Variants in TULP4 observed in about 807,000 individuals in gnomAD.
TULP4 encodes tubby-related protein 4.
Under a neutral mutation model 129.0 loss-of-function variants are expected in TULP4, and 16 were observed. The ratio of observed to expected loss-of-function variants is 0.12; its 90% CI spans 0.08 to 0.19. The LOEUF (loss-of-function observed/expected upper bound fraction) is 0.19. Ranked by LOEUF, TULP4 falls within the 10% of genes least tolerant of loss-of-function variation. The probability of loss-of-function intolerance (pLI) is 1.00; values close to 1 mark genes in which losing one functional copy is unlikely to be tolerated. For missense variants in TULP4, 1,842 were observed against 2,059.1 expected, an observed-to-expected ratio of 0.89 and a Z score of 2.04; for synonymous variants, 998 against 854.0, an observed-to-expected ratio of 1.17 and a Z score of -2.94.
At chr6:158,308,105 A>G (rs1420132618), upstream of TULP4, among the ~76,000 whole-genome samples, 5 of 134,938 alleles carry the variant, frequency 3.7e-5, no homozygotes, top group African/African-American at 1.4e-4. Context: ...CAGATAAACA[A>G]GTGAACAAAG....
At chr6:158,240,329 CT>C (rs1777855565) in intron 1 of TULP4, among the ~76,000 whole-genome samples, 2 of 86,314 alleles carry the variant, frequency 2.3e-5, no homozygotes, top group Non-Finnish European at 2.5e-5. Flanking sequence ...GACGGGGCGG[CT>C]GGCCGGGCGG....
Position 158,313,905 on chromosome 6 carries a change from G to T in TULP4, c.-112G>T. Reference sequence around the variant, plus strand: ...TTCAGGTCAGTCTTAATTAAAGGGGGAAAAAAGCAACGCAAGCCAACCACA... The same window carrying T: ...TTCAGGTCAGTCTTAATTAAAGGGGTAAAAAAGCAACGCAAGCCAACCACA... On this transcript the variant is annotated 5_prime_UTR_variant, in exon 1 of 14. Coordinates refer to ENST00000367097, the MANE Select transcript of TULP4 (RefSeq NM_020245.5). 7.7e-7 allele frequency: 1 copy of T among 1,302,538 alleles called. No homozygotes were observed. The highest frequency in any genetic ancestry group is 1.5e-5 in the South Asian group (1 of 66,494). The allele number at this position is 1,302,538 out of a possible 1,614,324, so 80.7% of individuals were successfully genotyped here.
intron 1 of TULP4, among the ~76,000 whole-genome samples, chr6:158,358,318 T>G (rs1043697997): frequency 6.6e-6 from 1 of 152,238 alleles, no homozygotes; most frequent in African/African-American, 2.4e-5. Context: ...AAATTTTAAG[T>G]GTACTTGGTG....
At position 158,286,381 on chromosome 6, in the gene TULP4, C is replaced by T. The variant is rs144077330; in HGVS notation, n.116+4003C>T. 2.0e-4 allele frequency among the ~76,000 whole-genome samples: 30 copies of T among 152,258 alleles called. No homozygotes were observed. In the East Asian group the frequency reaches 3.3e-3, roughly 17 times the overall value. Reference sequence around the variant, plus strand: ...TTTTGCCATAGCCTTTGTTTTCTCTCGCAATTATTTCTGTGTTTCTTCTGT... The same window carrying T: ...TTTTGCCATAGCCTTTGTTTTCTCTTGCAATTATTTCTGTGTTTCTTCTGT... On this transcript the variant is annotated intron_variant and non_coding_transcript_variant, in intron 1 of 1. Coordinates refer to the TULP4 transcript ENST00000432358.
chr6:158,456,431 A>G (rs915468077), intron 5 of TULP4, among the ~76,000 whole-genome samples: 1 of 152,198 alleles, frequency 6.6e-6, no homozygotes, highest in African/African-American at 2.4e-5. Context: ...AGCTCTTGTT[A>G]GTATTCATGT....
chr6:158,479,777 T>C lies in TULP4; in HGVS notation c.1053T>C (p.Gly351=). The C allele has an allele frequency of 6.2e-7, 1 of 1,613,946 alleles. No individual in the cohort carries two copies. Among genetic ancestry groups the C allele is most frequent in the Non-Finnish European group, 8.5e-7 (1 of 1,179,888 alleles). Residue 351 remains glycine (G), a synonymous_variant, in exon 7 of 14, where the codon GGT becomes GGC. Coordinates refer to ENST00000367097, the MANE Select transcript of TULP4 (RefSeq NM_020245.5). ...VQRPIISICW[G]HRDSRLLMAS... is the part of the protein sequence containing the mutation. ...GCCCCATCATCTCCATCTGCTGGGG[T>C]CACCGGGATTCGAGGCTGTTGATGG...
intron 1 of TULP4, among the ~76,000 whole-genome samples, chr6:158,350,907 C>T (rs1179376449): frequency 6.6e-6 from 1 of 152,060 alleles, no homozygotes; most frequent in African/African-American, 2.4e-5. Flanking sequence ...ATTACTGCCA[C>T]CACTGCTGGC....
At position 158,462,748 on chromosome 6, in the gene TULP4, T is replaced by C. The variant is rs796152083; in HGVS notation, c.1026+1019T>C. On this transcript the variant is annotated intron_variant, in intron 6 of 13. Coordinates refer to ENST00000367097, the MANE Select transcript of TULP4 (RefSeq NM_020245.5). ...GTTTACCCTATGTCTTTTTTTTTCC[T>C]TTTTTTTTTTTTTTTTTTGAATTGG... Among the ~76,000 whole-genome samples, 11 of 45,258 alleles carry C rather than the reference T, an allele frequency of 2.4e-4. No homozygotes were observed. In the African/African-American group the frequency reaches 2.6e-3, roughly 11 times the overall value. The allele number at this position is 45,258 out of a possible 152,430, so 29.7% of individuals were successfully genotyped here. A position where few individuals can be genotyped will look rare whatever the true frequency, so the allele number is the denominator to read the frequency against.
rs764447638 is a variant in TULP4, at chr6:158,312,985, A to G, written c.-1032A>G. On this transcript the variant is annotated 5_prime_UTR_variant, in exon 1 of 14. Transcript: ENST00000367097. The stretch of plus-strand genomic sequence containing the variant: ...ATTACCTGATGGACTTAATTCTAAG[A>G]TTAGCTTTTTTCATCAAGATGGAAA... 1 of 152,526 alleles carries G rather than the reference A, an allele frequency of 6.6e-6. No homozygotes were observed. The highest frequency in any genetic ancestry group is 1.5e-5 in the Non-Finnish European group (1 of 68,250). The allele number at this position is 152,526 out of a possible 1,614,324, so 9.4% of individuals were successfully genotyped here. A position where few individuals can be genotyped will look rare whatever the true frequency, so the allele number is the denominator to read the frequency against.
chr6:158,366,870 C>T (rs987372650), intron 1 of TULP4, among the ~76,000 whole-genome samples: 1 of 152,126 alleles, frequency 6.6e-6, no homozygotes, highest in Non-Finnish European at 1.5e-5. Context: ...TCTAAGTTGC[C>T]GTATACACAG....
chr6:158,496,243 T>C (rs1346446543), intron 11 of TULP4, among the ~76,000 whole-genome samples: 1 of 152,244 alleles, frequency 6.6e-6, no homozygotes, highest in Admixed American at 6.5e-5. Context: ...TGGCCCTCCA[T>C]TTTGAGCGTG....
intron 1 of TULP4, among the ~76,000 whole-genome samples, chr6:158,233,402 T>C (rs1395320362): frequency 2.0e-5 from 3 of 152,266 alleles, no homozygotes; most frequent in Non-Finnish European, 4.4e-5. Flanking sequence ...TTCTAAGGTT[T>C]TGAAGGACGT....
chr6:158,288,486 A>G (rs1214845168), intron 1 of TULP4, among the ~76,000 whole-genome samples: 3 of 147,350 alleles, frequency 2.0e-5, no homozygotes, highest in Non-Finnish European at 4.5e-5. Flanking sequence ...TTTGGAATCT[A>G]AAAAAAAAAT....
In TULP4 at chr6:158,504,032, C is replaced by T. The variant is rs751290022; in HGVS notation, c.4369C>T (p.Arg1457Trp). Residue 1457 changes from arginine to tryptophan, a missense_variant, in exon 13 of 14, where the codon CGG becomes TGG. Arg to Trp is a moderately radical substitution (Grantham distance 101). Around this residue, in one of 5 missense-constraint regions of TULP4, gnomAD observed 1,089 missense variants for 987.1 expected, o/e 1.10. Coordinates refer to ENST00000367097, the MANE Select transcript of TULP4 (RefSeq NM_020245.5). ...CRRASEKEDG[R>W]LGSQGFVYVM... The stretch of plus-strand genomic sequence containing the variant: ...GCGGGCCAGTGAGAAGGAGGACGGG[C>T]GGCTGGGCAGCCAAGGCTTCGTGTA... 6.8e-6 allele frequency: 11 copies of T among 1,610,542 alleles called. No individual in the cohort carries two copies. The highest frequency in any genetic ancestry group is 1.3e-5 in the African/African-American group (1 of 74,982).
chr6:158,237,923 G>T lies in TULP4; in HGVS notation n.68+5620G>T, dbSNP rs532523551. The T allele has an allele frequency of 4.5e-5, 33 of 728,094 alleles. No homozygotes were observed. In the East Asian group the frequency reaches 6.9e-4, roughly 15 times the overall value. 45.1% of individuals were successfully genotyped at this position (728,094 alleles called of 1,614,324 possible). A position where few individuals can be genotyped will look rare whatever the true frequency, so the allele number is the denominator to read the frequency against. On this transcript the variant is annotated intron_variant and non_coding_transcript_variant, in intron 1 of 1. Coordinates refer to the TULP4 transcript ENST00000620026. ...ATATCTTTTGGATTTTGTTTCCATA[G>T]CTGTTCTAGGTCACTAATTGCCTCC...
intron 1 of TULP4, among the ~76,000 whole-genome samples, chr6:158,236,730 TC>T (rs1487629623): frequency 6.9e-6 from 1 of 144,026 alleles, no homozygotes; most frequent in Non-Finnish European, 1.5e-5. Flanking sequence ...TGAAAAAAGA[TC>T]AAATCAGCAC....
chr6:158,282,823 T>G (rs1414273295), intron 1 of TULP4: 3 of 152,068 alleles, frequency 2.0e-5, no homozygotes, highest in African/African-American at 2.4e-5. Flanking sequence ...TTTTAATTAT[T>G]TCATATACAG....
chr6:158,458,030 C>T (rs532826240), intron 5 of TULP4, among the ~76,000 whole-genome samples: 3 of 152,266 alleles, frequency 2.0e-5, no homozygotes, highest in East Asian at 3.9e-4. Flanking sequence ...TATGCACATA[C>T]ACAACATGCA....
chr6:158,241,337 C>A (rs1224784195), intron 1 of TULP4, among the ~76,000 whole-genome samples: 1 of 129,448 alleles, frequency 7.7e-6, no homozygotes, highest in Non-Finnish European at 1.8e-5. Flanking sequence ...ACTTCCCAGA[C>A]GGGGTGGCGG....
Sources: allele counts gnomAD v4.1 joint callset (sites outside exome capture counted in the v4.1 genomes callset), GRCh38; gene constraint gnomAD v4.1.1; regional missense constraint gnomAD v4.1.1; transcripts MANE v1.5; gene names NCBI Gene and HGNC (gene_info 2026-07-23, HGNC 2026-07-21).